The following NUP98 variants were observed in gnomAD, a reference collection of about 807,000 sequenced individuals.
The protein encoded by NUP98 is nuclear pore complex protein Nup98-Nup96.
Under a neutral mutation model 191.9 loss-of-function variants are expected in NUP98, and 26 were observed. The observed-to-expected ratio is 0.14, with a 90% confidence interval of 0.10 to 0.19. The LOEUF is 0.19. NUP98 is among the 10% of genes least tolerant of loss of function. The pLI, the probability that NUP98 is intolerant of heterozygous loss-of-function variation, is 1.00. For synonymous variants in NUP98, 808 were observed against 778.4 expected, an observed-to-expected ratio of 1.04 and a Z score of -0.63; for missense variants, 1,941 against 2,178.8, an observed-to-expected ratio of 0.89 and a Z score of 2.17.
intron 6 of NUP98, among the ~76,000 whole-genome samples, chr11:3,773,078 C>T (rs1221924318): frequency 6.6e-6 from 1 of 152,192 alleles, no homozygotes; most frequent in Non-Finnish European, 1.5e-5. Flanking sequence ...ATACACATTG[C>T]CCAGTGTAAC....
chr11:3,720,565 T>C (rs2079352396), intron 17 of NUP98, 147 bp downstream of exon 17: 1 of 459,650 alleles, frequency 2.2e-6, no homozygotes, highest in African/African-American at 2.0e-5. Flanking sequence ...TCTTGTTTTG[T>C]TACTTATCAA....
chr11:3,695,604 C>T lies in NUP98; in HGVS notation c.4012G>A (p.Asp1338Asn). ...EACSLAQQSG[D>N]HRLALLLSQF... ...GATAAAAGAAGAGCAAGACGATGAT[C>T]CCCTATAAGAGAAATGGAAGTTTTT... is the stretch of plus-strand genomic sequence containing the variant. The change falls in exon 26 of 33, where the codon GAT (aspartate) becomes AAT (asparagine). Residue 1338 changes from aspartate (D) to asparagine (N), a missense_variant and splice_region_variant. Coordinates refer to ENST00000324932, the MANE Select transcript of NUP98 (RefSeq NM_016320.5). 6.3e-7 allele frequency: 1 copy of T among 1,575,352 alleles called. No homozygotes were observed. The highest frequency in any genetic ancestry group is 1.2e-5 in the South Asian group (1 of 85,912).
At chr11:3,781,292 A>C (rs2081958649) in intron 2 of NUP98, 1 of 151,980 alleles carries the variant, frequency 6.6e-6, no homozygotes, top group Non-Finnish European at 1.5e-5. Flanking sequence ...AAGAGATAAA[A>C]ACAAGTCTGG....
At chr11:3,733,430 G>C (rs1447715172) in intron 13 of NUP98, among the ~76,000 whole-genome samples, 2 of 152,192 alleles carry the variant, frequency 1.3e-5, no homozygotes, top group African/African-American at 4.8e-5. Context: ...GCCTGCCTCA[G>C]CCTCACGAAT....
intron 1 of NUP98, among the ~76,000 whole-genome samples, chr11:3,796,810 T>C (rs1442006625): frequency 1.3e-5 from 2 of 152,216 alleles, no homozygotes; most frequent in Non-Finnish European, 2.9e-5. Flanking sequence ...AAAGTCCTTA[T>C]GGCTATAGTA....
Position 3,686,120 on chromosome 11 carries a change from T to C in NUP98, c.4529A>G (p.His1510Arg). The C allele has an allele frequency of 6.2e-7, 1 of 1,614,190 alleles. No individual in the cohort carries two copies. Among genetic ancestry groups the C allele is most frequent in the Non-Finnish European group, 8.5e-7 (1 of 1,180,042 alleles). The part of the protein sequence containing the change: ...ADPLDYRLSW[H>R]LWEVLRALNY... ...AAGAGCCCTCAGCACTTCCCACAAG[T>C]GCCAGCTTAGGCGGTAGTCCAAAGG... The change falls in exon 29 of 33, where the codon CAC (histidine) becomes CGC (arginine). Residue 1510 changes from histidine to arginine, a missense_variant. This residue lies in a region of NUP98 where 1,030 missense variants were observed against 1,115.8 expected (regional missense o/e 0.92). Transcript: ENST00000324932.
chr11:3,725,882 T>A (rs538923855), intron 14 of NUP98, among the ~76,000 whole-genome samples: 1 of 152,308 alleles, frequency 6.6e-6, no homozygotes, highest in Admixed American at 6.5e-5. Flanking sequence ...CAATCGCTGA[T>A]CATGGCTCAC....
intron 2 of NUP98, chr11:3,781,491 T>TA (rs2081967567): frequency 2.8e-5 from 1 of 35,304 alleles, no homozygotes; most frequent in East Asian, 5.4e-4. Context: ...CTTTCTGGTT[T>TA]TAAAAAAAAA....
At chr11:3,720,552 C>T (rs61879801) in intron 17 of NUP98, among the ~76,000 whole-genome samples, 160 bp downstream of exon 17, 7,688 of 152,030 alleles carry the variant, frequency 0.051, 254 homozygotes, top group Middle Eastern at 0.099. Flanking sequence ...TGGTTCCAGT[C>T]TTTCTTGTTT....
rs564219652 is a variant in NUP98, at chr11:3,771,642, G to T, written c.784+106C>A. 992 of 934,074 alleles carry T rather than the reference G, an allele frequency of 1.1e-3. 7 individuals are homozygous for T. The highest frequency in any genetic ancestry group is 3.6e-4 in the Non-Finnish European group (217 of 610,450). 57.9% of individuals were successfully genotyped at this position (934,074 alleles called of 1,614,324 possible). A position where few individuals can be genotyped will look rare whatever the true frequency, so the allele number is the denominator to read the frequency against. ...TCCTCCCTATTCCTATGGTATCCCTGAATTATTATTTTTCTCCATAGCACT... is the reference window on the plus strand; with the variant it reads ...TCCTCCCTATTCCTATGGTATCCCTTAATTATTATTTTTCTCCATAGCACT... On this transcript the variant is annotated intron_variant, in intron 7 of 32. Transcript: ENST00000324932.
At chr11:3,775,768 T>C (rs2081698172) in intron 5 of NUP98, 114 bp downstream of exon 5, 1 of 918,238 alleles carries the variant, frequency 1.1e-6, no homozygotes, top group South Asian at 1.6e-5. Flanking sequence ...TTTTAACACA[T>C]CGTTCAGGCA....
chr11:3,685,561 GA>G (rs2078111035), intron 29 of NUP98, among the ~76,000 whole-genome samples: 1 of 150,284 alleles, frequency 6.7e-6, no homozygotes, highest in African/African-American at 2.4e-5. Context: ...GAAATTAAAT[GA>G]CTAGTTTTTT....
intron 9 of NUP98, 103 bp downstream of exon 9, chr11:3,762,799 A>AT (rs1206797715): frequency 1.7e-6 from 2 of 1,200,090 alleles, no homozygotes; most frequent in African/African-American, 3.0e-5. Flanking sequence ...GTGCAATAAT[A>AT]CACCCAATAA....
chr11:3,716,362 T>TA (rs1273998899), intron 18 of NUP98, among the ~76,000 whole-genome samples: 2 of 152,268 alleles, frequency 1.3e-5, no homozygotes, highest in East Asian at 1.9e-4. Flanking sequence ...TAGTTTTTTT[T>TA]ATGTGTGCTC....
chr11:3,724,436 CAA>C (rs71041381), intron 15 of NUP98, among the ~76,000 whole-genome samples: 6 of 109,528 alleles, frequency 5.5e-5, no homozygotes, highest in African/African-American at 7.5e-5. Context: ...AACTCCATCT[CAA>C]AAAAAAAAAA....
At chr11:3,716,297 A>G (rs146804195) in intron 18 of NUP98, among the ~76,000 whole-genome samples, 19 of 151,960 alleles carry the variant, frequency 1.3e-4, no homozygotes, top group African/African-American at 4.6e-4. Flanking sequence ...CCAGTTTGCC[A>G]GCATCCTTTG....
intron 13 of NUP98, among the ~76,000 whole-genome samples, chr11:3,734,889 A>G (rs1352970387): frequency 1.3e-5 from 2 of 152,188 alleles, no homozygotes; most frequent in African/African-American, 2.4e-5. Flanking sequence ...TCTCAAAAAG[A>G]AAAGAAAAAA....
chr11:3,676,531 A>T lies in NUP98; in HGVS notation c.5163T>A (p.Ala1721=), dbSNP rs766229575. The change falls in exon 32 of 33, where the codon GCT becomes GCA. Residue 1721 remains alanine (A), a synonymous_variant. Transcript: ENST00000324932. ...SRIEQIQCYS[A]KDRLAQSDMA... is the part of the protein sequence containing the mutation. ...TACCTGACTGAGCCAGGCGATCTTTAGCACTGTAACACTGAATCTGCTCTA... is the reference window on the plus strand; with the variant it reads ...TACCTGACTGAGCCAGGCGATCTTTTGCACTGTAACACTGAATCTGCTCTA... 3.5e-5 allele frequency: 57 copies of T among 1,614,030 alleles called. No individual in the cohort carries two copies. In the South Asian group the frequency reaches 6.0e-4, roughly 17 times the overall value.
At chr11:3,692,387 G>C (rs2078343758) in intron 27 of NUP98, among the ~76,000 whole-genome samples, 1 of 151,758 alleles carries the variant, frequency 6.6e-6, no homozygotes, top group Non-Finnish European at 1.5e-5. Flanking sequence ...TAGCACTTAG[G>C]GAGGCCGAGG....
Sources: allele counts gnomAD v4.1 joint callset (sites outside exome capture counted in the v4.1 genomes callset), GRCh38; gene constraint gnomAD v4.1.1; regional missense constraint gnomAD v4.1.1; transcripts MANE v1.5; gene names NCBI Gene and HGNC (gene_info 2026-07-23, HGNC 2026-07-21).